TBC1D19: variants seen among roughly 807,000 people sequenced by gnomAD.
TBC1D19 encodes the protein TBC1 domain family member 19, also known as TBC1 domain family, member 19.
A neutral mutation model predicts 89.0 loss-of-function variants in TBC1D19; 60 were observed. The ratio of observed to expected loss-of-function variants is 0.67; its 90% CI spans 0.55 to 0.84. The LOEUF (loss-of-function observed/expected upper bound fraction) is 0.84. Ranked by LOEUF, TBC1D19 falls within the 40% of genes least tolerant of loss-of-function variation. The pLI, the probability that TBC1D19 is intolerant of heterozygous loss-of-function variation, is 0.00. For missense variants in TBC1D19, 500 were observed against 610.8 expected, an observed-to-expected ratio of 0.82 and a Z score of 1.91; for synonymous variants, 189 against 199.7, an observed-to-expected ratio of 0.95 and a Z score of 0.45.
the TBC1D19 span, among the ~76,000 whole-genome samples, chr4:26,837,488 T>C: frequency 6.6e-6 from 1 of 152,092 alleles, no homozygotes; most frequent in Admixed American, 6.6e-5. Context: ...CAGGAAGATA[T>C]CAGGAAGAAT....
intron 7 of TBC1D19, among the ~76,000 whole-genome samples, chr4:26,650,559 T>A (rs1396700366): frequency 1.3e-5 from 2 of 151,966 alleles, no homozygotes; most frequent in Non-Finnish European, 2.9e-5. Flanking sequence ...TTGATGGGGT[T>A]GATTGTTTTT....
chr4:26,762,906 T>A, the TBC1D19 span, among the ~76,000 whole-genome samples: 1 of 152,100 alleles, frequency 6.6e-6, no homozygotes, highest in Non-Finnish European at 1.5e-5. Context: ...CCAGAAGGAA[T>A]GCATCCCTAC....
At chr4:26,693,659 C>T (rs1362566284) in intron 13 of TBC1D19, among the ~76,000 whole-genome samples, 4 of 150,100 alleles carry the variant, frequency 2.7e-5, no homozygotes, top group African/African-American at 7.4e-5. Context: ...TATGCCATTA[C>T]ACTCCAGCCT....
At chr4:26,767,451 C>A in the TBC1D19 span, among the ~76,000 whole-genome samples, 12 of 152,126 alleles carry the variant, frequency 7.9e-5, no homozygotes, top group African/African-American at 2.9e-4. Flanking sequence ...TATGTTGAAG[C>A]CCTAACCTCC....
intron 3 of TBC1D19, among the ~76,000 whole-genome samples, chr4:26,616,102 G>T (rs1228985523): frequency 6.6e-6 from 1 of 151,310 alleles, no homozygotes; most frequent in Non-Finnish European, 1.5e-5. Context: ...TCCTCATTTG[G>T]GTTCTGAACA....
At chr4:26,677,537 G>A (rs2109123961) in intron 11 of TBC1D19, among the ~76,000 whole-genome samples, 1 of 152,102 alleles carries the variant, frequency 6.6e-6, no homozygotes, top group Non-Finnish European at 1.5e-5. Context: ...TAGCCAGGAT[G>A]GTCTTGATCT....
At chr4:26,684,997 G>C (rs1402675709) in intron 12 of TBC1D19, among the ~76,000 whole-genome samples, 1 of 152,154 alleles carries the variant, frequency 6.6e-6, no homozygotes, top group Non-Finnish European at 1.5e-5. Context: ...AGAGCTTATG[G>C]GCAAAACAGG....
chr4:26,763,050 T>C, the TBC1D19 span, among the ~76,000 whole-genome samples: 22 of 152,364 alleles, frequency 1.4e-4, no homozygotes, highest in East Asian at 4.2e-3. Flanking sequence ...TAAATTAAGT[T>C]TACTGTATTA....
intron 1 of TBC1D19, among the ~76,000 whole-genome samples, chr4:26,578,991 A>G (rs1211743799): frequency 6.6e-6 from 1 of 152,142 alleles, no homozygotes; most frequent in East Asian, 1.9e-4. Flanking sequence ...CTGTCATGTA[A>G]TCTGCTACTC....
At chr4:26,631,466 T>C (rs1307165538) in intron 4 of TBC1D19, among the ~76,000 whole-genome samples, 1 of 152,084 alleles carries the variant, frequency 6.6e-6, no homozygotes, top group African/African-American at 2.4e-5. Flanking sequence ...CTAATAAATA[T>C]TTGCTAAATC....
At chr4:26,614,824 C>T (rs759950838) in intron 3 of TBC1D19, among the ~76,000 whole-genome samples, 1 of 151,904 alleles carries the variant, frequency 6.6e-6, no homozygotes, top group South Asian at 2.1e-4. Context: ...ATTACAGGCC[C>T]CTGCCACAAC....
intron 7 of TBC1D19, among the ~76,000 whole-genome samples, chr4:26,643,722 C>G (rs1161414797): frequency 1.3e-5 from 2 of 151,950 alleles, no homozygotes; most frequent in East Asian, 3.9e-4. Context: ...CAAATAGATG[C>G]AATAAAAAAT....
intron 4 of TBC1D19, among the ~76,000 whole-genome samples, chr4:26,630,091 C>A (rs1742713285): frequency 6.6e-6 from 1 of 151,316 alleles, no homozygotes; most frequent in Non-Finnish European, 1.5e-5. Flanking sequence ...GTTTAAAAGT[C>A]ATTTTATTTA....
At chr4:26,794,116 T>G in the TBC1D19 span, among the ~76,000 whole-genome samples, 1 of 152,210 alleles carries the variant, frequency 6.6e-6, no homozygotes, top group South Asian at 2.1e-4. Flanking sequence ...ACAAGGAAGA[T>G]GCATATTATA....
chr4:26,726,118 A>G (rs1205292965), intron 15 of TBC1D19, among the ~76,000 whole-genome samples: 1 of 138,924 alleles, frequency 7.2e-6, no homozygotes, highest in Non-Finnish European at 1.5e-5. Context: ...ACCAGTGGCA[A>G]TTCTCCCAAC....
intron 9 of TBC1D19, among the ~76,000 whole-genome samples, chr4:26,669,958 A>G (rs1313788502): frequency 1.3e-5 from 2 of 151,712 alleles, no homozygotes; most frequent in Non-Finnish European, 3.0e-5. Flanking sequence ...TGATGTGCTT[A>G]TCAAGATAAC....
rs551106062 is a variant in TBC1D19, at chr4:26,742,005, G to A, written c.1228-503G>A. Among the ~76,000 whole-genome samples, 48 of 152,246 alleles carry A rather than the reference G, an allele frequency of 3.2e-4. 1 individual carries two copies. The South Asian group carries it at 1.0e-2, about 32-fold the overall frequency. ...AGCTAGCTGCTAGTCTTTTCCTGGG[G>A]GTAGATTTCAAAGAAAGAGTGAGAA... On this transcript the variant is annotated intron_variant, in intron 17 of 20. Transcript: ENST00000264866.
chr4:26,739,096 A>G lies in TBC1D19; in HGVS notation c.1118-768A>G, dbSNP rs372095844. Among the ~76,000 whole-genome samples, 6 of 152,178 alleles carry G rather than the reference A, an allele frequency of 3.9e-5. No homozygotes were observed. In the East Asian group the frequency reaches 9.6e-4, roughly 24 times the overall value. On this transcript the variant is annotated intron_variant, in intron 16 of 20. Coordinates refer to ENST00000264866, the MANE Select transcript of TBC1D19 (RefSeq NM_018317.4). Reference sequence around the variant, plus strand: ...GCTGCCTAAAATACTTAAGGCTTGAAAAGATGGAAAGCATGACCACCTTTG... The same window carrying G: ...GCTGCCTAAAATACTTAAGGCTTGAGAAGATGGAAAGCATGACCACCTTTG...
intron 14 of TBC1D19, among the ~76,000 whole-genome samples, chr4:26,719,545 A>T (rs980670444): frequency 6.6e-6 from 1 of 152,080 alleles, no homozygotes; most frequent in Non-Finnish European, 1.5e-5. Flanking sequence ...TCTCTTAAAT[A>T]TTTGACTATT....
Sources: gnomAD v4.1 joint callset for allele counts (sites outside exome capture counted in the v4.1 genomes callset) on GRCh38, gnomAD v4.1.1 for gene constraint, MANE v1.5 for transcripts, NCBI Gene and HGNC (gene_info 2026-07-23, HGNC 2026-07-21) for gene names.